Variants in PCDH9 observed in about 807,000 individuals in gnomAD.
The protein encoded by PCDH9 is protocadherin 9.
A neutral mutation model predicts 70.6 loss-of-function variants in PCDH9; 24 were observed. The ratio of observed to expected loss-of-function variants is 0.34; its 90% CI spans 0.25 to 0.48. The LOEUF (loss-of-function observed/expected upper bound fraction) is 0.48, where lower values mean the gene tolerates loss of function less well. Ranked by LOEUF, PCDH9 falls within the 20% of genes least tolerant of loss-of-function variation. The probability of loss-of-function intolerance (pLI) is 0.99; values close to 1 mark genes in which losing one functional copy is unlikely to be tolerated. For missense variants in PCDH9, 1,281 were observed against 1,503.6 expected (o/e 0.85, Z 2.45); for synonymous variants, 562 against 558.5 (o/e 1.01, Z -0.09).
chr13:66,339,508 T>A (rs536604075), intron 4 of PCDH9, among the ~76,000 whole-genome samples: 1 of 152,208 alleles, frequency 6.6e-6, no homozygotes, highest in Admixed American at 6.5e-5. Context: ...AAGACATACT[T>A]TTACTTGTTT....
chr13:66,327,225 T>A (rs2781780), intron 4 of PCDH9, among the ~76,000 whole-genome samples: 2,099 of 152,242 alleles, frequency 0.014, 50 homozygotes, highest in African/African-American at 0.047. Context: ...GATCGACACA[T>A]GTTAAAGTTT....
chr13:66,742,539 C>T (rs2079282815), intron 3 of PCDH9, among the ~76,000 whole-genome samples: 1 of 147,130 alleles, frequency 6.8e-6, no homozygotes, highest in Non-Finnish European at 1.5e-5. Context: ...AAGAAACTAC[C>T]ATCAGAGTGA....
At chr13:66,320,768 A>G in intron 4 of PCDH9, among the ~76,000 whole-genome samples, 1 of 152,002 alleles carries the variant, frequency 6.6e-6, no homozygotes, top group East Asian at 1.9e-4. Context: ...GTATTATTTT[A>G]GTTAATATAA....
chr13:67,068,262 ATTAT>A (rs1271606701), intron 2 of PCDH9, among the ~76,000 whole-genome samples: 1 of 151,478 alleles, frequency 6.6e-6, no homozygotes, highest in African/African-American at 2.4e-5. Flanking sequence ...TATTTAATAA[ATTAT>A]TAATTTATTA....
At chr13:66,440,719 T>C (rs1439165645) in intron 4 of PCDH9, among the ~76,000 whole-genome samples, 2 of 152,130 alleles carry the variant, frequency 1.3e-5, no homozygotes, top group African/African-American at 4.8e-5. Context: ...TCTTCTTCCT[T>C]TAATGCAACT....
intron 2 of PCDH9, among the ~76,000 whole-genome samples, chr13:67,069,228 T>C (rs889022664): frequency 1.3e-5 from 2 of 152,106 alleles, no homozygotes; most frequent in East Asian, 1.9e-4. Context: ...ACAAATATGC[T>C]TTTTCAAAAA....
rs181406875 is a variant in PCDH9 at position 66,657,602 on chromosome 13, T to G, written c.3139-26191A>C. Reference sequence around the variant, plus strand: ...TATTTTACAGCAATTGGAAATCCAGTATTGAAGCGATTCTTTGGAATCCAG... The same window carrying G: ...TATTTTACAGCAATTGGAAATCCAGGATTGAAGCGATTCTTTGGAATCCAG... On this transcript the variant is annotated intron_variant, in intron 3 of 4. Coordinates refer to ENST00000377865, the MANE Select transcript of PCDH9 (RefSeq NM_203487.3). 5.9e-5 allele frequency among the ~76,000 whole-genome samples: 9 copies of G among 152,338 alleles called. No individual in the cohort carries two copies. In the East Asian group the frequency reaches 1.7e-3, roughly 29 times the overall value.
At chr13:66,982,018 G>A (rs906999498) in intron 2 of PCDH9, among the ~76,000 whole-genome samples, 1 of 152,168 alleles carries the variant, frequency 6.6e-6, no homozygotes, top group Non-Finnish European at 1.5e-5. Context: ...AGTGAGAGGT[G>A]TTTGGATCAT....
chr13:66,905,704 G>GA (rs34928906), intron 2 of PCDH9, among the ~76,000 whole-genome samples: 12 of 150,536 alleles, frequency 8.0e-5, no homozygotes, highest in Non-Finnish European at 1.5e-4. Flanking sequence ...GTCTGAACCT[G>GA]AAAAAAAAAT....
chr13:66,683,392 T>C (rs1276299571), intron 3 of PCDH9, among the ~76,000 whole-genome samples: 37 of 152,142 alleles, frequency 2.4e-4, no homozygotes, highest in Admixed American at 2.4e-3. Flanking sequence ...TACAGCAACA[T>C]TGAGAGAAAT....
chr13:66,551,726 A>G (rs375831878), intron 4 of PCDH9, among the ~76,000 whole-genome samples: 1 of 152,162 alleles, frequency 6.6e-6, no homozygotes, highest in African/African-American at 2.4e-5. Flanking sequence ...ATGGTCAGCT[A>G]TCAGTGTACA....
At chr13:66,703,490 A>T (rs1277030384) in intron 3 of PCDH9, among the ~76,000 whole-genome samples, 1 of 152,200 alleles carries the variant, frequency 6.6e-6, no homozygotes, top group East Asian at 1.9e-4. Flanking sequence ...ATATTCAATT[A>T]TTCTCTTTGT....
chr13:66,713,625 G>GTGTATATATATATATATATATATATA (rs1379996611), intron 3 of PCDH9, among the ~76,000 whole-genome samples: 2 of 110,008 alleles, frequency 1.8e-5, no homozygotes, highest in African/African-American at 7.3e-5. Context: ...GTGTGTGTGT[G>GTGTATATATATATATATATATATATA]TATATATATA....
chr13:66,751,254 CT>C (rs2079454007), intron 3 of PCDH9, among the ~76,000 whole-genome samples: 1 of 151,980 alleles, frequency 6.6e-6, no homozygotes, highest in Non-Finnish European at 1.5e-5. Context: ...AGAATTGCCC[CT>C]GGCTCAATTC....
At chr13:66,723,362 A>G (rs2078966667) in intron 3 of PCDH9, among the ~76,000 whole-genome samples, 1 of 152,198 alleles carries the variant, frequency 6.6e-6, no homozygotes, top group Non-Finnish European at 1.5e-5. Context: ...GAAATGTATA[A>G]TTGTTTGTAA....
chr13:67,180,745 A>G (rs2088593488), intron 2 of PCDH9, among the ~76,000 whole-genome samples: 1 of 152,080 alleles, frequency 6.6e-6, no homozygotes, highest in East Asian at 1.9e-4. Flanking sequence ...CTTCAGAATT[A>G]ATAGATTGGG....
intron 3 of PCDH9, among the ~76,000 whole-genome samples, chr13:66,683,981 T>G (rs183261290): frequency 1.3e-4 from 20 of 152,340 alleles, no homozygotes; most frequent in African/African-American, 4.8e-4. Context: ...TTCAAGATTC[T>G]GTGCCTTATT....
At chr13:66,766,767 T>G (rs547073452) in intron 3 of PCDH9, among the ~76,000 whole-genome samples, 1 of 152,128 alleles carries the variant, frequency 6.6e-6, no homozygotes, top group South Asian at 2.1e-4. Flanking sequence ...CAGTCATTAG[T>G]GGTGTTGTAT....
At chr13:66,415,831 G>T (rs1443400898) in intron 4 of PCDH9, among the ~76,000 whole-genome samples, 1 of 152,026 alleles carries the variant, frequency 6.6e-6, no homozygotes, top group Admixed American at 6.6e-5. Context: ...TGTAAAACTG[G>T]CATAAATATG....
Sources: gnomAD v4.1 joint callset for allele counts (sites outside exome capture counted in the v4.1 genomes callset) on GRCh38, gnomAD v4.1.1 for gene constraint, MANE v1.5 for transcripts, NCBI Gene and HGNC (gene_info 2026-07-23, HGNC 2026-07-21) for gene names.